Variants in GNAL observed in about 807,000 individuals in gnomAD.
GNAL encodes G protein subunit alpha L.
A neutral mutation model predicts 55.1 loss-of-function variants in GNAL; 18 were observed. That is an observed-to-expected ratio of 0.33 (90% CI 0.23 to 0.48). GNAL has a LOEUF of 0.48. Among genes scored for constraint, GNAL ranks in the 20% least tolerant of loss-of-function variants. The pLI is 0.99. For missense variants in GNAL, 412 were observed against 614.1 expected, an observed-to-expected ratio of 0.67 and a Z score of 3.48; for synonymous variants, 253 against 237.0, an observed-to-expected ratio of 1.07 and a Z score of -0.62.
Position 11,885,501 on chromosome 18 carries a change from T to C in GNAL, c.*4366T>C. The C allele has an allele frequency of 1.4e-6, 1 of 705,934 alleles. No homozygotes were observed. The allele number at this position is 705,934 out of a possible 1,614,324, so 43.7% of individuals were successfully genotyped here. A position where few individuals can be genotyped will look rare whatever the true frequency, so the allele number is the denominator to read the frequency against. ...TAACTGCCCAGGAATGTCATGCTGATTGGTTCCCGGAAGGGTGTTTGGCAA... is the reference window on the plus strand; with the variant it reads ...TAACTGCCCAGGAATGTCATGCTGACTGGTTCCCGGAAGGGTGTTTGGCAA... On this transcript the variant is annotated 3_prime_UTR_variant, in exon 12 of 12. Coordinates refer to ENST00000334049, the MANE Select transcript of GNAL (RefSeq NM_182978.4).
At chr18:11,833,093 G>A (rs1391485374) in intron 5 of GNAL, among the ~76,000 whole-genome samples, 4 of 150,122 alleles carry the variant, frequency 2.7e-5, no homozygotes, top group African/African-American at 7.4e-5. Context: ...GTGCAGTGGC[G>A]CGATCTCCAC....
intron 10 of GNAL, 83 bp downstream of exon 10, chr18:11,872,481 G>A: frequency 1.2e-6 from 1 of 850,638 alleles, no homozygotes; most frequent in Admixed American, 2.6e-5. Context: ...ACATACCTCT[G>A]ATGAATCAAA....
At chr18:11,710,712 T>C (rs1241967686) in intron 1 of GNAL, among the ~76,000 whole-genome samples, 1 of 152,106 alleles carries the variant, frequency 6.6e-6, no homozygotes, top group African/African-American at 2.4e-5. Flanking sequence ...ACGTTGAATA[T>C]ATCATCCCAC....
chr18:11,702,600 G>A (rs1274167967), intron 1 of GNAL, among the ~76,000 whole-genome samples: 2 of 152,184 alleles, frequency 1.3e-5, no homozygotes, highest in Non-Finnish European at 2.9e-5. Context: ...CCCAGGTTCT[G>A]TCAGGCTTCA....
rs1009867439 is a variant in GNAL at position 11,751,991 on chromosome 18, T to C, written c.377-862T>C. 1.3e-5 allele frequency: 2 copies of C among 152,996 alleles called. No individual in the cohort carries two copies. Among genetic ancestry groups the C allele is most frequent in the Non-Finnish European group, 1.5e-5 (1 of 68,760 alleles). 9.5% of individuals were successfully genotyped at this position (152,996 alleles called of 1,614,324 possible). A position where few individuals can be genotyped will look rare whatever the true frequency, so the allele number is the denominator to read the frequency against. On this transcript the variant is annotated intron_variant, in intron 1 of 11. Transcript: ENST00000334049. The surrounding 1 kb of genome is among the most constrained non-coding windows in gnomAD (Gnocchi z 4.5). ...ACGCTCAGCCACCACCCCGGCTGTT[T>C]GGGACCCGGCACCCAGCCGAGCGCG...
chr18:11,843,774 G>A (rs1175469612), intron 5 of GNAL, among the ~76,000 whole-genome samples: 1 of 150,818 alleles, frequency 6.6e-6, no homozygotes, highest in Non-Finnish European at 1.5e-5. Context: ...GGGAGTTTGA[G>A]ACCAGCCTGA....
At chr18:11,785,710 G>A (rs113647866) in intron 4 of GNAL, among the ~76,000 whole-genome samples, 33 of 151,796 alleles carry the variant, frequency 2.2e-4, no homozygotes, top group African/African-American at 6.5e-4. Context: ...GGTTCAGGCC[G>A]GTGTATGAGA....
chr18:11,815,088 AG>A (rs1045362229), intron 4 of GNAL, among the ~76,000 whole-genome samples: 7 of 152,148 alleles, frequency 4.6e-5, no homozygotes, highest in African/African-American at 1.7e-4. Context: ...ATAATAATGT[AG>A]TGTATATTTC....
chr18:11,776,666 C>G lies in GNAL; in HGVS notation c.624+22721C>G, dbSNP rs1198612028. 1.2e-4 allele frequency among the ~76,000 whole-genome samples: 18 copies of G among 148,572 alleles called. No individual in the cohort carries two copies. In the Admixed American group the frequency reaches 1.2e-3, roughly 10 times the overall value. The stretch of plus-strand genomic sequence containing the variant: ...GAGGCTGCAGTGAGCCGTGATTGCA[C>G]CATTGCACTCCAGCCTGGGCAACAG... On this transcript the variant is annotated intron_variant, in intron 4 of 11. Coordinates refer to ENST00000334049, the MANE Select transcript of GNAL (RefSeq NM_182978.4).
chr18:11,734,250 C>A (rs1473745143), intron 1 of GNAL, among the ~76,000 whole-genome samples: 1 of 151,030 alleles, frequency 6.6e-6, no homozygotes, highest in Non-Finnish European at 1.5e-5. Context: ...TCAAGCGATT[C>A]TCCTGCCTCA....
chr18:11,689,829 C>CCAAGGAGCGCGAGGCGGT lies in GNAL; in HGVS notation c.274_291dup (p.Arg92_Glu97dup), dbSNP rs1164319222. The CCAAGGAGCGCGAGGCGGT allele has an allele frequency of 3.2e-5, 49 of 1,536,672 alleles. No individual in the cohort carries two copies. The highest frequency in any genetic ancestry group is 9.8e-5 in the Admixed American group (5 of 51,224). On this transcript the variant is annotated inframe_insertion, in exon 1 of 12. Coordinates refer to ENST00000334049, the MANE Select transcript of GNAL (RefSeq NM_182978.4). Reference sequence around the variant, plus strand: ...CTGAGTGCCGAGGAGCGCGAGGCGGCCAAGGAGCGCGAGGCGGTCAAGGAG... The same window carrying CCAAGGAGCGCGAGGCGGT: ...CTGAGTGCCGAGGAGCGCGAGGCGGCCAAGGAGCGCGAGGCGGTCAAGGAGCGCGAGGCGGTCAAGGAG...
chr18:11,753,802 A>AT, intron 3 of GNAL, 24 bp from the exon 4 acceptor site: 35 of 1,578,764 alleles, frequency 2.2e-5, no homozygotes, highest in Middle Eastern at 1.7e-4. Context: ...GTTTATCCAT[A>AT]TTTTTTTTCT....
At chr18:11,739,746 G>A (rs2032536334) in intron 1 of GNAL, among the ~76,000 whole-genome samples, 1 of 151,918 alleles carries the variant, frequency 6.6e-6, no homozygotes, top group Admixed American at 6.6e-5. Flanking sequence ...GTCCTTCCCG[G>A]GGTCTCACCT....
intron 1 of GNAL, among the ~76,000 whole-genome samples, chr18:11,732,530 T>C (rs2032362363): frequency 6.6e-6 from 1 of 152,234 alleles, no homozygotes; most frequent in Admixed American, 6.5e-5. Context: ...TGTCATTTTT[T>C]CTCATTTGTT....
At chr18:11,696,656 T>C (rs1172923848) in intron 1 of GNAL, among the ~76,000 whole-genome samples, 1 of 152,224 alleles carries the variant, frequency 6.6e-6, no homozygotes, top group Non-Finnish European at 1.5e-5. Context: ...ACTGCCGTTG[T>C]TTACATGAAG....
intron 1 of GNAL, among the ~76,000 whole-genome samples, chr18:11,705,378 C>T (rs1567992269): frequency 1.3e-5 from 2 of 152,302 alleles, no homozygotes; most frequent in East Asian, 1.9e-4. Flanking sequence ...TAGGCTGCTT[C>T]AGTATCTTGG....
chr18:11,875,546 AGCAGGTCAT>A (rs964289063), intron 10 of GNAL, among the ~76,000 whole-genome samples: 1 of 152,148 alleles, frequency 6.6e-6, no homozygotes, highest in Non-Finnish European at 1.5e-5. Context: ...GTTCTGCAAC[AGCAGGTCAT>A]TTAACAGGGT....
chr18:11,830,082 T>C (rs1296026782), intron 5 of GNAL, among the ~76,000 whole-genome samples: 2 of 152,116 alleles, frequency 1.3e-5, no homozygotes, highest in Non-Finnish European at 2.9e-5. Flanking sequence ...AAAGAGCCAG[T>C]ATTTGATGTG....
chr18:11,852,922 C>T (rs2035914981), intron 5 of GNAL: 1 of 166,956 alleles, frequency 6.0e-6, no homozygotes, highest in South Asian at 2.1e-4. Flanking sequence ...ACGAACTTCT[C>T]TAACAAGTTT....
Sources: allele counts gnomAD v4.1 joint callset (sites outside exome capture counted in the v4.1 genomes callset), GRCh38; gene constraint gnomAD v4.1.1; non-coding constraint Gnocchi (gnomAD v3.1); transcripts MANE v1.5; gene names NCBI Gene and HGNC (gene_info 2026-07-23, HGNC 2026-07-21).